The following UGT1A5 variants were observed in gnomAD, a reference collection of about 807,000 sequenced individuals.
The protein encoded by UGT1A5 is UDP-glucuronosyltransferase 1A5.
In UGT1A5, 29 loss-of-function variants were observed where a neutral mutation model predicts 40.3. The ratio of observed to expected loss-of-function variants is 0.72; its 90% CI spans 0.54 to 0.98. UGT1A5 has a LOEUF of 0.98. Ranked by LOEUF, UGT1A5 falls within the 50% of genes least tolerant of loss-of-function variation. The pLI is 0.00. For missense variants in UGT1A5, 678 were observed against 677.9 expected (o/e 1.00, Z 0.00); for synonymous variants, 257 against 262.5 (o/e 0.98, Z 0.20).
chr2:233,727,225 C>G (rs1417750017), intron 1 of UGT1A5, among the ~76,000 whole-genome samples: 1 of 152,168 alleles, frequency 6.6e-6, no homozygotes, highest in Non-Finnish European at 1.5e-5. Context: ...TCCACATATG[C>G]GGATGGCTCC....
chr2:233,767,989 T>C lies in UGT1A5; in HGVS notation c.1087+53T>C, dbSNP rs1699539176. The C allele has an allele frequency of 3.1e-6, 5 of 1,614,076 alleles. No homozygotes were observed. In the Admixed American group the frequency reaches 5.0e-5, roughly 16 times the overall value. Reference sequence around the variant, plus strand: ...TCAAACCAGGGTCAAATTAAGAAAATGGCTTAAGCACAGCTATTCTAAAGG... The same window carrying C: ...TCAAACCAGGGTCAAATTAAGAAAACGGCTTAAGCACAGCTATTCTAAAGG... On this transcript the variant is annotated intron_variant, in intron 3 of 4. Coordinates refer to ENST00000373414, the MANE Select transcript of UGT1A5 (RefSeq NM_019078.2).
chr2:233,772,509 T>C lies in UGT1A5; in HGVS notation c.1555T>C (p.Leu519=). 1.9e-6 allele frequency: 3 copies of C among 1,614,170 alleles called. No individual in the cohort carries two copies. Among genetic ancestry groups the C allele is most frequent in the Middle Eastern group, 1.6e-4 (1 of 6,062 alleles). ...TTGTGCTTATGGCTACCGGAAATGC[T>C]TGGGGAAAAAAGGGCGAGTTAAGAA... The part of the protein sequence containing the change: ...KCCAYGYRKC[L]GKKGRVKKAH... Residue 519 remains leucine, a synonymous_variant, in exon 5 of 5, where the codon TTG becomes CTG. Transcript: ENST00000373414.
intron 1 of UGT1A5, among the ~76,000 whole-genome samples, chr2:233,761,605 A>G (rs1697811953): frequency 6.6e-6 from 1 of 152,260 alleles, no homozygotes; most frequent in South Asian, 2.1e-4. Context: ...TCCAGTTTCT[A>G]AATATTCTGA....
At position 233,713,775 on chromosome 2, in the gene UGT1A5, G is replaced by A. The variant is rs2076345614; in HGVS notation, c.784G>A (p.Val262Met). 1 of 1,614,026 alleles carries A rather than the reference G, an allele frequency of 6.2e-7. No homozygotes were observed. Among genetic ancestry groups the A allele is most frequent in the South Asian group, 1.1e-5 (1 of 91,070 alleles). Residue 262 changes from valine (V) to methionine (M), a missense_variant, in exon 1 of 5, where the codon GTG (valine) becomes ATG (methionine). By Grantham distance (21) the Val-to-Met change is conservative. Coordinates refer to ENST00000373414, the MANE Select transcript of UGT1A5 (RefSeq NM_019078.2). ...ASVWLFRGDFVMDYPRPIMPN... is the reference protein window; with the variant it reads ...ASVWLFRGDFMMDYPRPIMPN... ...TGTGTGGCTGTTCCGAGGGGACTTT[G>A]TGATGGATTACCCCAGGCCGATCAT...
chr2:233,718,508 T>G (rs1330997916), intron 1 of UGT1A5, among the ~76,000 whole-genome samples: 1 of 152,136 alleles, frequency 6.6e-6, no homozygotes, highest in Non-Finnish European at 1.5e-5. Context: ...GGCAGTGACA[T>G]GAAATGGGTG....
chr2:233,761,173 T>C (rs771182197), intron 1 of UGT1A5: 2 of 1,614,246 alleles, frequency 1.2e-6, no homozygotes, highest in South Asian at 2.2e-5. Context: ...AGTGGGACTT[T>C]TACATGCGTA....
At chr2:233,738,080 T>G (rs527833825) in intron 1 of UGT1A5, among the ~76,000 whole-genome samples, 181 of 152,280 alleles carry the variant, frequency 1.2e-3, no homozygotes, top group African/African-American at 4.2e-3. Context: ...CCTCCTAATC[T>G]CATCATAGTG....
chr2:233,732,311 T>A (rs1163118726), intron 1 of UGT1A5, among the ~76,000 whole-genome samples: 3 of 152,222 alleles, frequency 2.0e-5, no homozygotes, highest in Admixed American at 6.5e-5. Flanking sequence ...CCCATTTGTC[T>A]ATTTTGGCTT....
intron 1 of UGT1A5, among the ~76,000 whole-genome samples, chr2:233,750,910 G>A (rs1371262201): frequency 6.6e-6 from 1 of 151,884 alleles, no homozygotes; most frequent in African/African-American, 2.4e-5. Flanking sequence ...GCTAGAGAAG[G>A]GTGGTAAAGA....
Position 233,757,333 on chromosome 2 carries a change from C to A in UGT1A5, c.868-9701C>A, listed in dbSNP as rs574658157. Among the ~76,000 whole-genome samples the A allele has an allele frequency of 8.6e-4, 129 of 150,728 alleles. 1 individual carries two copies. Among genetic ancestry groups the A allele is most frequent in the African/African-American group, 3.1e-3 (127 of 40,864 alleles). ...GGGGGCTGGGGCCCTGAAATGGGAC[C>A]ATGACAGCTGGGTCTGAGAGACAGT... On this transcript the variant is annotated intron_variant, in intron 1 of 4. Coordinates refer to ENST00000373414, the MANE Select transcript of UGT1A5 (RefSeq NM_019078.2).
chr2:233,759,409 G>T (rs548037824), intron 1 of UGT1A5, among the ~76,000 whole-genome samples: 1 of 152,164 alleles, frequency 6.6e-6, no homozygotes, highest in African/African-American at 2.4e-5. Context: ...GTGACCTGTA[G>T]TAAGCAAAGG....
At chr2:233,748,719 T>G (rs1371005675) in intron 1 of UGT1A5, among the ~76,000 whole-genome samples, 3 of 151,682 alleles carry the variant, frequency 2.0e-5, no homozygotes, top group Non-Finnish European at 4.4e-5. Context: ...GTCTGGTGCA[T>G]GATGTGGGGA....
At chr2:233,746,500 G>A (rs1693410791) in intron 1 of UGT1A5, among the ~76,000 whole-genome samples, 1 of 151,712 alleles carries the variant, frequency 6.6e-6, no homozygotes, top group African/African-American at 2.4e-5. Context: ...TCACTCTTTA[G>A]TAGCCCCCAA....
At chr2:233,743,767 G>A (rs374421270) in intron 1 of UGT1A5, 102 of 1,367,178 alleles carry the variant, frequency 7.5e-5, no homozygotes, top group Admixed American at 1.9e-4. Flanking sequence ...CGTAGGCCTC[G>A]GCCACCTGCT....
At chr2:233,768,470 G>T (rs371026350) in intron 4 of UGT1A5, 31 bp downstream of exon 4, 1 of 1,602,728 alleles carries the variant, frequency 6.2e-7, no homozygotes, top group Non-Finnish European at 8.5e-7. Context: ...GAATACTTTG[G>T]TCATGGCATT....
intron 1 of UGT1A5, among the ~76,000 whole-genome samples, chr2:233,763,811 C>G (rs980088030): frequency 3.3e-5 from 5 of 152,180 alleles, no homozygotes; most frequent in African/African-American, 1.2e-4. Context: ...CTCAAGAATT[C>G]CAAGATGTTC....
At position 233,760,569 on chromosome 2, in the gene UGT1A5, T is replaced by C. The variant is rs146052898; in HGVS notation, c.868-6465T>C. On this transcript the variant is annotated intron_variant, in intron 1 of 4. Transcript: ENST00000373414. ...AGGATGTGAAAGAGTCTTTTGTTAGTCTCGGGCATAATGTTTTTGAGAATG... is the reference window on the plus strand; with the variant it reads ...AGGATGTGAAAGAGTCTTTTGTTAGCCTCGGGCATAATGTTTTTGAGAATG... 389 of 1,614,128 alleles carry C rather than the reference T, an allele frequency of 2.4e-4. No homozygotes were observed. The highest frequency in any genetic ancestry group is 3.1e-4 in the Non-Finnish European group (360 of 1,180,054).
chr2:233,744,046 C>G, intron 1 of UGT1A5: 1 of 729,302 alleles, frequency 1.4e-6, no homozygotes, highest in Non-Finnish European at 1.9e-6. Flanking sequence ...GCAGCCACAT[C>G]TCATTGGTCG....
chr2:233,725,005 C>G (rs1205607932), intron 1 of UGT1A5, among the ~76,000 whole-genome samples: 2 of 147,300 alleles, frequency 1.4e-5, no homozygotes, highest in Non-Finnish European at 3.0e-5. Flanking sequence ...GAGACCGGCC[C>G]GGCCAAACAG....
Sources: gnomAD v4.1 joint callset for allele counts (sites outside exome capture counted in the v4.1 genomes callset) on GRCh38, gnomAD v4.1.1 for gene constraint, MANE v1.5 for transcripts, NCBI Gene and HGNC (gene_info 2026-07-23, HGNC 2026-07-21) for gene names.